The following COL5A2 variants were observed in gnomAD, a reference collection of about 807,000 sequenced individuals.
COL5A2 encodes collagen type V alpha 2 chain.
In COL5A2, 23 loss-of-function variants were observed where a neutral mutation model predicts 208.2. The ratio of observed to expected loss-of-function variants is 0.11; its 90% CI spans 0.08 to 0.16. COL5A2 has a LOEUF of 0.16. COL5A2 is among the 10% of genes least tolerant of loss of function. COL5A2 has a pLI of 1.00. For synonymous variants in COL5A2, 625 were observed against 628.5 expected (o/e 0.99, Z 0.08); for missense variants, 1,590 against 1,956.4 (o/e 0.81, Z 3.53).
chr2:189,225,198 C>A (rs1689398073), exon 1 of COL5A2, among the ~76,000 whole-genome samples: 1 of 151,976 alleles, frequency 6.6e-6, no homozygotes, highest in Admixed American at 6.6e-5. Flanking sequence ...GAATCAGAAG[C>A]AGGTGGTTTT....
chr2:189,440,810 T>C, the COL5A2 span, among the ~76,000 whole-genome samples: 1 of 152,166 alleles, frequency 6.6e-6, no homozygotes. Context: ...CCCTGAAACC[T>C]GGCGGGACTG....
At chr2:189,242,215 T>C in the COL5A2 span, among the ~76,000 whole-genome samples, 1 of 152,222 alleles carries the variant, frequency 6.6e-6, no homozygotes, top group African/African-American at 2.4e-5. Context: ...CATGTCTTAA[T>C]TTTCCTGTCA....
At chr2:189,439,109 G>A in the COL5A2 span, among the ~76,000 whole-genome samples, 1 of 152,098 alleles carries the variant, frequency 6.6e-6, no homozygotes, top group African/African-American at 2.4e-5. Flanking sequence ...TCTCAGTAAG[G>A]CTTTCCCTGA....
chr2:189,153,361 G>T (rs1009612777), intron 1 of COL5A2, among the ~76,000 whole-genome samples: 2 of 152,126 alleles, frequency 1.3e-5, no homozygotes, highest in Non-Finnish European at 2.9e-5. Flanking sequence ...CCATTCTACA[G>T]ATGAAGAAAC....
At chr2:189,044,395 T>G (rs1051920038) in intron 47 of COL5A2, among the ~76,000 whole-genome samples, 7 of 152,206 alleles carry the variant, frequency 4.6e-5, no homozygotes, top group South Asian at 2.1e-4. Flanking sequence ...GGTTCTTTTA[T>G]TTGGGGGATG....
chr2:189,345,734 G>A, the COL5A2 span, among the ~76,000 whole-genome samples: 1 of 151,984 alleles, frequency 6.6e-6, no homozygotes, highest in African/African-American at 2.4e-5. Flanking sequence ...ATAGAGAAGG[G>A]GCAAGAACCA....
chr2:189,198,611 T>A (rs1399301043), intron 1 of COL5A2, among the ~76,000 whole-genome samples: 3 of 152,172 alleles, frequency 2.0e-5, no homozygotes, highest in Non-Finnish European at 4.4e-5. Flanking sequence ...GACACCTTCA[T>A]TACTGATATA....
the COL5A2 span, among the ~76,000 whole-genome samples, chr2:189,413,533 A>G: frequency 6.6e-6 from 1 of 152,190 alleles, no homozygotes. Flanking sequence ...TAAGGTGTGC[A>G]TTGCAGGGAA....
At chr2:189,160,708 C>T (rs1400575772) in intron 1 of COL5A2, among the ~76,000 whole-genome samples, 1 of 152,132 alleles carries the variant, frequency 6.6e-6, no homozygotes, top group African/African-American at 2.4e-5. Flanking sequence ...ATAATGTCTT[C>T]CTACCTTCCA....
chr2:189,436,135 C>G, the COL5A2 span, among the ~76,000 whole-genome samples: 1 of 152,206 alleles, frequency 6.6e-6, no homozygotes, highest in East Asian at 1.9e-4. Flanking sequence ...AATGAGAACA[C>G]TTGGGCACAG....
At chr2:189,154,152 C>A (rs1688199553) in intron 1 of COL5A2, among the ~76,000 whole-genome samples, 3 of 152,124 alleles carry the variant, frequency 2.0e-5, no homozygotes, top group Admixed American at 2.0e-4. Flanking sequence ...CATATGCAGA[C>A]AACTCACAGC....
At chr2:189,246,342 T>C in the COL5A2 span, among the ~76,000 whole-genome samples, 2 of 151,884 alleles carry the variant, frequency 1.3e-5, no homozygotes, top group South Asian at 4.2e-4. Context: ...AGAAAGATTA[T>C]ATCTGTAGAG....
chr2:189,398,284 T>C, the COL5A2 span, among the ~76,000 whole-genome samples: 1 of 152,180 alleles, frequency 6.6e-6, no homozygotes, highest in East Asian at 1.9e-4. Context: ...TGTAAATACA[T>C]ATTTATATGT....
intron 1 of COL5A2, among the ~76,000 whole-genome samples, chr2:189,155,123 G>A (rs1049346469): frequency 8.5e-5 from 13 of 152,134 alleles, no homozygotes; most frequent in African/African-American, 2.6e-4. Context: ...GGGACTAGAC[G>A]TGCATGCCAC....
chr2:189,149,095 G>A (rs750824555), intron 1 of COL5A2, among the ~76,000 whole-genome samples: 3 of 152,114 alleles, frequency 2.0e-5, no homozygotes, highest in Non-Finnish European at 4.4e-5. Context: ...AGCCGAGATC[G>A]CACCACTGCA....
chr2:189,381,973 T>C, the COL5A2 span, among the ~76,000 whole-genome samples: 2 of 152,150 alleles, frequency 1.3e-5, no homozygotes, highest in Admixed American at 6.5e-5. Context: ...TACTTTCAGA[T>C]TGTTTCTTAG....
intron 1 of COL5A2, among the ~76,000 whole-genome samples, chr2:189,126,743 G>A (rs1160541485): frequency 6.6e-6 from 1 of 152,074 alleles, no homozygotes; most frequent in Non-Finnish European, 1.5e-5. Flanking sequence ...TGCCATGTAG[G>A]GGATTTGAAG....
chr2:189,230,291 T>C (rs1689463980), upstream of COL5A2, among the ~76,000 whole-genome samples: 1 of 151,638 alleles, frequency 6.6e-6, no homozygotes, highest in Non-Finnish European at 1.5e-5. Context: ...GATATGACCC[T>C]AAAAACACAG....
chr2:189,272,017 C>T, the COL5A2 span, among the ~76,000 whole-genome samples: 1 of 152,080 alleles, frequency 6.6e-6, no homozygotes, highest in Non-Finnish European at 1.5e-5. Flanking sequence ...ACAACAGATG[C>T]TGGAGAGGAT....
Sources: gnomAD v4.1 joint callset for allele counts (sites outside exome capture counted in the v4.1 genomes callset) on GRCh38, gnomAD v4.1.1 for gene constraint, MANE v1.5 for transcripts, NCBI Gene and HGNC (gene_info 2026-07-23, HGNC 2026-07-21) for gene names.